Variants in ZNF565 observed in about 807,000 individuals in gnomAD.
ZNF565 encodes zinc finger protein 565.
ZNF565 carries 27 observed loss-of-function variants against 39.4 expected under a neutral mutation model. The ratio of observed to expected loss-of-function variants is 0.69; its 90% confidence interval spans 0.51 to 0.95. ZNF565 has a LOEUF of 0.95. ZNF565 is among the 40% of genes least tolerant of loss of function. The pLI, the probability that ZNF565 is intolerant of heterozygous loss-of-function variation, is 0.00. For synonymous variants in ZNF565, 185 were observed against 216.6 expected (o/e 0.85, Z 1.28); for missense variants, 524 against 621.1 (o/e 0.84, Z 1.66).
At chr19:36,199,506 CTTTTT>C (rs1183093969) in intron 2 of ZNF565, among the ~76,000 whole-genome samples, 1 of 128,952 alleles carries the variant, frequency 7.8e-6, no homozygotes, top group Non-Finnish European at 1.6e-5. Flanking sequence ...CTTTCTTTCT[CTTTTT>C]TTTTTTTTTT....
chr19:36,205,261 C>T (rs910081424), intron 1 of ZNF565, among the ~76,000 whole-genome samples: 1 of 152,038 alleles, frequency 6.6e-6, no homozygotes, highest in Non-Finnish European at 1.5e-5. Flanking sequence ...GGGCACGGTG[C>T]CCACGCCTGT....
chr19:36,229,808 C>T (rs373785615), intron 1 of ZNF565, among the ~76,000 whole-genome samples: 1 of 152,224 alleles, frequency 6.6e-6, no homozygotes, highest in African/African-American at 2.4e-5. Flanking sequence ...CAACCTCCGC[C>T]TCCTGGGGTC....
intron 1 of ZNF565, among the ~76,000 whole-genome samples, chr19:36,241,367 C>T (rs1204141530): frequency 6.6e-6 from 1 of 151,686 alleles, no homozygotes; most frequent in Non-Finnish European, 1.5e-5. Context: ...GCCAGTAATC[C>T]CAGCTACTTG....
At chr19:36,201,930 T>C (rs766126026) in intron 2 of ZNF565, 47 bp downstream of exon 2, 6 of 1,608,540 alleles carry the variant, frequency 3.7e-6, no homozygotes, top group South Asian at 3.3e-5. Flanking sequence ...CCATATAATC[T>C]GGCGGGAAGA....
intron 2 of ZNF565, 142 bp downstream of exon 2, chr19:36,201,835 G>A (rs1568419321): frequency 2.2e-6 from 2 of 908,204 alleles, no homozygotes; most frequent in East Asian, 4.9e-5. Context: ...GGGCCACCGA[G>A]GGACTTGGGC....
chr19:36,241,381 G>A (rs973519605), intron 1 of ZNF565, among the ~76,000 whole-genome samples: 5 of 151,816 alleles, frequency 3.3e-5, no homozygotes, highest in African/African-American at 2.4e-5. Context: ...CTACTTGGGA[G>A]GTTAAGGCAG....
intron 4 of ZNF565, among the ~76,000 whole-genome samples, chr19:36,192,049 C>G (rs977606002): frequency 6.8e-6 from 1 of 146,830 alleles, no homozygotes; most frequent in African/African-American, 2.5e-5. Flanking sequence ...AGTGCAGTGG[C>G]GTGATCTTGG....
intron 1 of ZNF565, chr19:36,213,063 T>C (rs1004414381): frequency 7.3e-6 from 1 of 137,174 alleles, no homozygotes; most frequent in African/African-American, 2.6e-5. Flanking sequence ...TCTGCCTAAA[T>C]CCAGTGTCAC....
At chr19:36,186,088 TG>T (rs1975288681) in intron 4 of ZNF565, among the ~76,000 whole-genome samples, 1 of 148,198 alleles carries the variant, frequency 6.7e-6, no homozygotes, top group Non-Finnish European at 1.5e-5. Context: ...CCTCTGCCTC[TG>T]GGGTTCAAGC....
rs57253970 is a variant in ZNF565 at position 36,205,957 on chromosome 19, GTT to G, written c.-65-3909_-65-3908del. On this transcript the variant is annotated intron_variant, in intron 1 of 4. Coordinates refer to ENST00000304116, the MANE Select transcript of ZNF565 (RefSeq NM_152477.5). ...CCTGTCCCAGTTGATCTCACATTCTGTTTTTTTTTTTTTCTTTTTTTTGAGAC... is the reference window on the plus strand; with the variant it reads ...CCTGTCCCAGTTGATCTCACATTCTGTTTTTTTTTTTCTTTTTTTTGAGAC... 8.0e-4 allele frequency among the ~76,000 whole-genome samples: 115 copies of G among 143,390 alleles called. No individual in the cohort carries two copies. In the Middle Eastern group the frequency reaches 0.019, roughly 23 times the overall value. The allele number at this position is 143,390 out of a possible 152,430, so 94.1% of individuals were successfully genotyped here. A position where few individuals can be genotyped will look rare whatever the true frequency, so the allele number is the denominator to read the frequency against.
intron 1 of ZNF565, among the ~76,000 whole-genome samples, chr19:36,234,693 G>A (rs1977570229): frequency 1.3e-5 from 2 of 152,146 alleles, no homozygotes; most frequent in African/African-American, 2.4e-5. Flanking sequence ...CACTGCGCCC[G>A]GCCAGCCAGC....
chr19:36,183,615 A>G lies in ZNF565; in HGVS notation c.351T>C (p.Ala117=). Residue 117 remains alanine (A), a synonymous_variant, in exon 5 of 5, where the codon GCT becomes GCC. Transcript: ENST00000304116. ...CAAACTGGCCTTCGCATTCCCAGTC[A>G]GCTCTAAAATCGGAGCCCTCCAGGT... is the stretch of plus-strand genomic sequence containing the variant. ...CSDLEGSDFR[A]DWECEGQFER... is the part of the protein sequence containing the mutation. 6.2e-7 allele frequency: 1 copy of G among 1,614,194 alleles called. No individual in the cohort carries two copies. Among genetic ancestry groups the G allele is most frequent in the Non-Finnish European group, 8.5e-7 (1 of 1,180,034 alleles).
intron 1 of ZNF565, 129 bp from the exon 2 acceptor site, chr19:36,202,179 T>A (rs1000846265): frequency 1.6e-6 from 1 of 630,244 alleles, no homozygotes. Flanking sequence ...CACCTCTCCA[T>A]GTCCTACCAC....
chr19:36,188,514 C>T (rs1335322510), intron 4 of ZNF565, among the ~76,000 whole-genome samples: 1 of 151,974 alleles, frequency 6.6e-6, no homozygotes, highest in African/African-American at 2.4e-5. Context: ...GAGTTCGAGA[C>T]CAGCCTGGCC....
At chr19:36,234,288 T>C (rs1275683147) in intron 1 of ZNF565, among the ~76,000 whole-genome samples, 1 of 152,098 alleles carries the variant, frequency 6.6e-6, no homozygotes, top group Admixed American at 6.6e-5. Flanking sequence ...TACTTCTTTC[T>C]ACACAGACAC....
At position 36,185,258 on chromosome 19, in the gene ZNF565, T is replaced by C. The variant is rs1484082790; in HGVS notation, c.233-1525A>G. Among the ~76,000 whole-genome samples, 3 of 151,528 alleles carry C rather than the reference T, an allele frequency of 2.0e-5. No individual in the cohort carries two copies. The Admixed American group carries it at 2.0e-4, about 10-fold the overall frequency. ...GAAGAAACCCTGTCTCTACTAAAAA[T>C]ACAAAATTAGCCGGCCGTGGTGGCA... is the stretch of plus-strand genomic sequence containing the variant. On this transcript the variant is annotated intron_variant, in intron 4 of 4. Transcript: ENST00000304116.
intron 3 of ZNF565, chr19:36,194,809 C>A: frequency 4.5e-6 from 3 of 663,400 alleles, no homozygotes; most frequent in Non-Finnish European, 8.0e-6. Context: ...AGAGAGAGCA[C>A]CAGGCATTTC....
At chr19:36,223,782 T>C (rs1333787722) in intron 1 of ZNF565, among the ~76,000 whole-genome samples, 1 of 151,890 alleles carries the variant, frequency 6.6e-6, no homozygotes, top group East Asian at 1.9e-4. Flanking sequence ...GATCTTGATC[T>C]GTCACCCAGG....
intron 1 of ZNF565, among the ~76,000 whole-genome samples, chr19:36,221,227 A>G (rs1043606744): frequency 2.0e-5 from 3 of 147,138 alleles, no homozygotes; most frequent in Non-Finnish European, 3.0e-5. Context: ...CTGAGGAATT[A>G]TGTTACTAAA....
Sources: allele counts gnomAD v4.1 joint callset (sites outside exome capture counted in the v4.1 genomes callset), GRCh38; gene constraint gnomAD v4.1.1; transcripts MANE v1.5; gene names NCBI Gene and HGNC (gene_info 2026-07-23, HGNC 2026-07-21).